TANC2: variants seen among roughly 807,000 people sequenced by gnomAD.
The protein encoded by TANC2 is protein TANC2.
A neutral mutation model predicts 210.5 loss-of-function variants in TANC2; 26 were observed. The observed-to-expected ratio is 0.12, with a 90% CI of 0.09 to 0.17. TANC2 has a LOEUF of 0.17. Ranked by LOEUF, TANC2 falls within the 10% of genes least tolerant of loss-of-function variation. The pLI, the probability that TANC2 is intolerant of heterozygous loss-of-function variation, is 1.00. For synonymous variants in TANC2, 931 were observed against 967.1 expected (o/e 0.96, Z 0.69); for missense variants, 2,129 against 2,608.9 (o/e 0.82, Z 4.01).
At chr17:63,373,126 A>G (rs1265075077) in intron 14 of TANC2, among the ~76,000 whole-genome samples, 2 of 151,648 alleles carry the variant, frequency 1.3e-5, no homozygotes, top group African/African-American at 2.4e-5. Context: ...AAACTCCTGG[A>G]CCCAAGCAAT....
intron 1 of TANC2, among the ~76,000 whole-genome samples, chr17:63,007,823 A>G (rs2033688198): frequency 6.6e-6 from 1 of 151,964 alleles, no homozygotes; most frequent in Non-Finnish European, 1.5e-5. Flanking sequence ...GAACATATTT[A>G]CCCTTCCTAT....
intron 2 of TANC2, among the ~76,000 whole-genome samples, chr17:63,072,983 G>A (rs1278098913): frequency 6.6e-6 from 1 of 152,048 alleles, no homozygotes; most frequent in Non-Finnish European, 1.5e-5. Flanking sequence ...AGATGACAGA[G>A]CAAGAATACT....
chr17:63,345,522 G>A (rs1296539734), intron 12 of TANC2, among the ~76,000 whole-genome samples: 2 of 151,652 alleles, frequency 1.3e-5, no homozygotes, highest in African/African-American at 4.9e-5. Context: ...GGGAGGCTGA[G>A]GCAGGAGAAT....
intron 11 of TANC2, 146 bp downstream of exon 11, chr17:63,319,236 T>C (rs1486270301): frequency 1.6e-5 from 14 of 884,034 alleles, no homozygotes; most frequent in Non-Finnish European, 2.4e-5. Context: ...TCTTTGATAT[T>C]CCTAGAAAAA....
chr17:63,289,736 T>C (rs1361621846), intron 9 of TANC2, among the ~76,000 whole-genome samples: 1 of 152,212 alleles, frequency 6.6e-6, no homozygotes, highest in Non-Finnish European at 1.5e-5. Context: ...TGCCTTTTAG[T>C]ATTCCTTGTG....
intron 3 of TANC2, among the ~76,000 whole-genome samples, chr17:63,098,295 AG>A (rs1169098502): frequency 1.3e-5 from 2 of 152,012 alleles, no homozygotes; most frequent in Non-Finnish European, 2.9e-5. Context: ...GGAAATATTT[AG>A]AGCTGAGCTT....
rs2031345440 is a variant in TANC2 at position 62,966,574 on chromosome 17, C to A, written c.-199C>A. Among the ~76,000 whole-genome samples the A allele has an allele frequency of 6.6e-6, 1 of 150,992 alleles. No homozygotes were observed. The highest frequency in any genetic ancestry group is 2.4e-5 in the African/African-American group (1 of 41,306). ...CAGGAGCACCGCCGCGGGCTGCGCT[C>A]GCCGGCTGCGAGGCCCCGCCGCGCC... On this transcript the variant is annotated 5_prime_UTR_variant, in exon 1 of 28. Coordinates refer to ENST00000689528, the Ensembl canonical transcript of TANC2. The surrounding 1 kb of genome is among the most constrained non-coding windows in gnomAD (Gnocchi z 5.1).
intron 2 of TANC2, among the ~76,000 whole-genome samples, chr17:63,054,441 G>A (rs929957980): frequency 2.6e-5 from 4 of 152,102 alleles, no homozygotes; most frequent in South Asian, 4.2e-4. Context: ...GCGCGATCTC[G>A]GCTCACTGCA....
chr17:63,332,361 G>GT, intron 11 of TANC2: 1 of 307,538 alleles, frequency 3.3e-6, no homozygotes. Context: ...ATTTTCTACA[G>GT]TAAGTTTTTC....
At chr17:63,305,589 A>G (rs2044875698) in intron 9 of TANC2, 1 of 152,224 alleles carries the variant, frequency 6.6e-6, no homozygotes, top group Non-Finnish European at 1.5e-5. Flanking sequence ...GCTAGACATT[A>G]TCCTTTCTCT....
intron 4 of TANC2, among the ~76,000 whole-genome samples, chr17:63,133,450 C>T (rs1224365346): frequency 6.6e-6 from 1 of 151,744 alleles, no homozygotes; most frequent in Non-Finnish European, 1.5e-5. Context: ...TCTTCTTCAG[C>T]TTACTATCCT....
intron 7 of TANC2, among the ~76,000 whole-genome samples, chr17:63,223,864 C>T (rs2042260235): frequency 6.6e-6 from 1 of 152,038 alleles, no homozygotes; most frequent in Admixed American, 6.6e-5. Context: ...GATCTCCTAC[C>T]TCAACTTTAA....
chr17:63,294,203 C>A (rs542304680), intron 9 of TANC2, among the ~76,000 whole-genome samples: 1 of 152,128 alleles, frequency 6.6e-6, no homozygotes, highest in Non-Finnish European at 1.5e-5. Context: ...CTAGGCCAGG[C>A]GTGTTGGCTC....
At chr17:63,072,368 G>A (rs1408302849) in intron 2 of TANC2, among the ~76,000 whole-genome samples, 2 of 152,062 alleles carry the variant, frequency 1.3e-5, no homozygotes, top group African/African-American at 4.8e-5. Context: ...AACAGAGGCA[G>A]ATCAGCCATT....
chr17:63,147,490 G>A (rs916513824), intron 4 of TANC2, among the ~76,000 whole-genome samples: 3 of 152,082 alleles, frequency 2.0e-5, no homozygotes, highest in African/African-American at 7.2e-5. Context: ...TGTGGTGTTC[G>A]TGGATTCTCT....
chr17:63,226,333 C>T (rs16946811), intron 7 of TANC2, among the ~76,000 whole-genome samples: 10,904 of 152,140 alleles, frequency 0.072, 1,230 homozygotes, highest in African/African-American at 0.24. Flanking sequence ...AATCATGTGC[C>T]TCGGTTGCCC....
At chr17:63,232,305 G>T (rs1264142820) in intron 7 of TANC2, among the ~76,000 whole-genome samples, 1 of 152,160 alleles carries the variant, frequency 6.6e-6, no homozygotes, top group Non-Finnish European at 1.5e-5. Flanking sequence ...TGCTGGAGAG[G>T]TGTTGCAATC....
chr17:63,238,200 C>G, intron 8 of TANC2, 123 bp downstream of exon 8: 1 of 1,229,620 alleles, frequency 8.1e-7, no homozygotes, highest in Non-Finnish European at 1.1e-6. Flanking sequence ...TCTTTTCTGA[C>G]TAAGCTGTTC....
chr17:63,419,579 A>G (rs1374209420), intron 27 of TANC2, among the ~76,000 whole-genome samples: 3 of 152,246 alleles, frequency 2.0e-5, no homozygotes, highest in Non-Finnish European at 4.4e-5. Flanking sequence ...TTGAGAATAT[A>G]AAGAAAAATT....
Sources: allele counts gnomAD v4.1 joint callset (sites outside exome capture counted in the v4.1 genomes callset), GRCh38; gene constraint gnomAD v4.1.1; non-coding constraint Gnocchi (gnomAD v3.1); transcripts MANE v1.5; gene names NCBI Gene and HGNC (gene_info 2026-07-23, HGNC 2026-07-21).